The following RAPGEF2 variants were observed in gnomAD, a reference collection of about 807,000 sequenced individuals.
RAPGEF2 encodes PDZ domain containing guanine nucleotide exchange factor (GEF) 1.
A neutral mutation model predicts 186.7 loss-of-function variants in RAPGEF2; 54 were observed. That is an observed-to-expected ratio of 0.29 (90% CI 0.23 to 0.36). The LOEUF is 0.36. RAPGEF2 is among the 10% of genes least tolerant of loss of function. RAPGEF2 has a pLI of 1.00. For missense variants in RAPGEF2, 1,532 were observed against 2,045.0 expected (o/e 0.75, Z 4.84); for synonymous variants, 712 against 705.9 (o/e 1.01, Z -0.14).
intron 1 of RAPGEF2, among the ~76,000 whole-genome samples, chr4:159,112,493 A>G (rs563967816): frequency 6.0e-4 from 92 of 152,332 alleles, no homozygotes; most frequent in African/African-American, 2.1e-3. Flanking sequence ...TACAAAAGGG[A>G]GTCCCAATGG....
chr4:159,331,713 C>G lies in RAPGEF2; in HGVS notation c.1659C>G (p.Ser553=). The G allele has an allele frequency of 5.0e-6, 8 of 1,614,018 alleles. No individual in the cohort carries two copies. Among genetic ancestry groups the G allele is most frequent in the Non-Finnish European group, 6.8e-6 (8 of 1,179,978 alleles). ...KRRLMTLTKP[S]REAPLPFILL... ...GATTGATGACGTTAACAAAACCATC[C>G]CGAGAAGCTCCTTTGCCTTTTATCT... Residue 553 remains serine, a synonymous_variant, in exon 15 of 30, where the codon TCC becomes TCG. Transcript: ENST00000691494.
At chr4:159,128,720 C>A (rs2111120656) in intron 1 of RAPGEF2, 1 of 151,714 alleles carries the variant, frequency 6.6e-6, no homozygotes, top group Non-Finnish European at 1.5e-5. Flanking sequence ...TTCAAAGAAC[C>A]ATTGTGTAAA....
intron 1 of RAPGEF2, among the ~76,000 whole-genome samples, chr4:159,140,543 G>A (rs2111161366): frequency 6.6e-6 from 1 of 152,296 alleles, no homozygotes; most frequent in South Asian, 2.1e-4. Context: ...AAGTATCAGA[G>A]AATTCAGGAT....
At chr4:159,302,635 G>T (rs1276100810) in intron 7 of RAPGEF2, among the ~76,000 whole-genome samples, 4 of 152,060 alleles carry the variant, frequency 2.6e-5, no homozygotes, top group Non-Finnish European at 5.9e-5. Context: ...TTCTATCTTT[G>T]AATTGTTCCT....
At chr4:159,146,219 G>A (rs1485835176) in intron 1 of RAPGEF2, among the ~76,000 whole-genome samples, 1 of 152,062 alleles carries the variant, frequency 6.6e-6, no homozygotes, top group Non-Finnish European at 1.5e-5. Flanking sequence ...ATGACTAAGA[G>A]GGATGAGAAT....
intron 1 of RAPGEF2, among the ~76,000 whole-genome samples, chr4:159,138,603 A>T (rs1254692825): frequency 6.6e-6 from 1 of 152,140 alleles, no homozygotes; most frequent in Non-Finnish European, 1.5e-5. Context: ...AGGTTAATTG[A>T]CTCATTTGGG....
chr4:159,275,661 T>C (rs1459399545), intron 7 of RAPGEF2, among the ~76,000 whole-genome samples: 1 of 152,174 alleles, frequency 6.6e-6, no homozygotes, highest in Non-Finnish European at 1.5e-5. Context: ...GATGTTTTAT[T>C]TTCTTACTCT....
At chr4:159,303,782 G>C (rs938085647) in intron 7 of RAPGEF2, among the ~76,000 whole-genome samples, 2 of 152,044 alleles carry the variant, frequency 1.3e-5, no homozygotes, top group African/African-American at 4.8e-5. Context: ...TGTATATGAG[G>C]ATAGGTAAGT....
intron 11 of RAPGEF2, among the ~76,000 whole-genome samples, chr4:159,324,654 TTAAA>T (rs1397871451): frequency 6.6e-6 from 1 of 152,184 alleles, no homozygotes; most frequent in Non-Finnish European, 1.5e-5. Flanking sequence ...GACTTGCTAG[TTAAA>T]TAATAGCTAA....
At chr4:159,113,565 AC>A (rs1738728233) in intron 1 of RAPGEF2, among the ~76,000 whole-genome samples, 2 of 151,664 alleles carry the variant, frequency 1.3e-5, no homozygotes, top group African/African-American at 2.4e-5. Flanking sequence ...ACATGGCGAA[AC>A]CCCTTCTCTA....
chr4:159,163,007 C>T (rs1275295701), intron 1 of RAPGEF2, among the ~76,000 whole-genome samples: 2 of 152,074 alleles, frequency 1.3e-5, no homozygotes, highest in Non-Finnish European at 2.9e-5. Context: ...CTCCGAAACA[C>T]CTGTTCCAAA....
chr4:159,222,768 C>A (rs550421202), intron 4 of RAPGEF2, among the ~76,000 whole-genome samples: 1 of 151,844 alleles, frequency 6.6e-6, no homozygotes, highest in East Asian at 1.9e-4. Context: ...GTATTGGGGT[C>A]GCTAACAGAA....
chr4:159,131,526 T>TTG (rs1741098960), intron 1 of RAPGEF2, among the ~76,000 whole-genome samples: 2 of 148,342 alleles, frequency 1.3e-5, no homozygotes, highest in East Asian at 1.9e-4. Context: ...GCTATTTTTT[T>TTG]TTTTTTTTTT....
At chr4:159,315,415 C>G (rs1270731162) in intron 9 of RAPGEF2, among the ~76,000 whole-genome samples, 1 of 151,826 alleles carries the variant, frequency 6.6e-6, no homozygotes, top group East Asian at 1.9e-4. Flanking sequence ...AGGTTTTAAG[C>G]CTAGTACCCT....
Position 159,311,803 on chromosome 4 carries a change from T to A in RAPGEF2, c.676-2788T>A, listed in dbSNP as rs575110553. Among the ~76,000 whole-genome samples, 73 of 152,322 alleles carry A rather than the reference T, an allele frequency of 4.8e-4. 1 individual carries two copies. Among genetic ancestry groups the A allele is most frequent in the Middle Eastern group, 3.4e-3 (1 of 294 alleles). ...TCTTGTCCACAAGGCAGTGGTATTA[T>A]GAAATTAGTAGGTCCCTGAAAAGTT... On this transcript the variant is annotated intron_variant, in intron 8 of 29. Coordinates refer to ENST00000691494, the MANE Select transcript of RAPGEF2 (RefSeq NM_001394067.2).
chr4:159,104,339 C>T (rs1281603881), intron 1 of RAPGEF2, 108 bp downstream of exon 1: 62 of 515,378 alleles, frequency 1.2e-4, no homozygotes, highest in Non-Finnish European at 4.1e-5. Flanking sequence ...GAGCACCCCA[C>T]TTCTTGCATC....
intron 3 of RAPGEF2, among the ~76,000 whole-genome samples, chr4:159,210,029 A>G (rs757275781): frequency 6.6e-6 from 1 of 152,224 alleles, no homozygotes; most frequent in Non-Finnish European, 1.5e-5. Flanking sequence ...AAGAAGAAAG[A>G]TGATGGGAGG....
At chr4:159,144,887 T>TTTTG in intron 1 of RAPGEF2, among the ~76,000 whole-genome samples, 1 of 52,748 alleles carries the variant, frequency 1.9e-5, no homozygotes, top group South Asian at 6.7e-4. Context: ...CTGTTTTTTT[T>TTTTG]TTTTTTTTTT....
At position 159,343,301 on chromosome 4, in the gene RAPGEF2, G is replaced by A. The variant is rs377126972; in HGVS notation, c.3151G>A (p.Gly1051Arg). The A allele has an allele frequency of 4.3e-6, 7 of 1,613,828 alleles. No individual in the cohort carries two copies. The highest frequency in any genetic ancestry group is 1.7e-5 in the Admixed American group (1 of 59,986). Residue 1051 changes from glycine to arginine, a missense_variant, in exon 22 of 30, where the codon GGG (glycine) becomes AGG (arginine). Around this residue, in one of 4 missense-constraint regions of RAPGEF2, gnomAD observed 117 missense variants for 180.8 expected, o/e 0.65. Transcript: ENST00000691494. Reference sequence around the variant, plus strand: ...TTCAGGAAATGACTCAAAAGTAGACGGGCTGGTCAATTTTGAGAAGCTAAG... The same window carrying A: ...TTCAGGAAATGACTCAAAAGTAGACAGGCTGGTCAATTTTGAGAAGCTAAG... ...LHEGNDSKVD[G>R]LVNFEKLRMI...
Sources: gnomAD v4.1 joint callset for allele counts (sites outside exome capture counted in the v4.1 genomes callset) on GRCh38, gnomAD v4.1.1 for gene constraint, gnomAD v4.1.1 regional missense constraint, MANE v1.5 for transcripts, NCBI Gene and HGNC (gene_info 2026-07-23, HGNC 2026-07-21) for gene names.